Variants in GRID1 observed in about 807,000 individuals in gnomAD.
GRID1 encodes glutamate receptor ionotropic, delta-1.
A neutral mutation model predicts 98.0 loss-of-function variants in GRID1; 28 were observed. That is an observed-to-expected ratio of 0.29 (90% CI 0.21 to 0.39). The LOEUF (loss-of-function observed/expected upper bound fraction) is 0.39, where lower values mean the gene tolerates loss of function less well. GRID1 is among the 10% of genes least tolerant of loss of function. The pLI, the probability that GRID1 is intolerant of heterozygous loss-of-function variation, is 1.00. For missense variants in GRID1, 1,111 were observed against 1,340.5 expected, an observed-to-expected ratio of 0.83 and a Z score of 2.67; for synonymous variants, 553 against 538.5, an observed-to-expected ratio of 1.03 and a Z score of -0.37.
chr10:86,230,378 C>G (rs937781829), intron 2 of GRID1, among the ~76,000 whole-genome samples: 1 of 152,224 alleles, frequency 6.6e-6, no homozygotes, highest in Admixed American at 6.5e-5. Flanking sequence ...GGGGACAACA[C>G]CACCAGGAAC....
intron 3 of GRID1, among the ~76,000 whole-genome samples, chr10:86,147,386 C>A (rs1251882925): frequency 6.6e-6 from 1 of 152,160 alleles, no homozygotes; most frequent in African/African-American, 2.4e-5. Flanking sequence ...AGAACCAAGA[C>A]AATCCTAAGC....
At chr10:85,979,236 T>C (rs1842512476) in intron 4 of GRID1, among the ~76,000 whole-genome samples, 1 of 151,816 alleles carries the variant, frequency 6.6e-6, no homozygotes, top group Non-Finnish European at 1.5e-5. Flanking sequence ...TCTGGAGAGG[T>C]CTGACCACCA....
intron 4 of GRID1, among the ~76,000 whole-genome samples, chr10:86,051,674 T>C (rs563249492): frequency 6.6e-6 from 1 of 152,328 alleles, no homozygotes; most frequent in East Asian, 1.9e-4. Context: ...AAATAACTCC[T>C]GAGCATGTGA....
At chr10:86,322,298 G>A (rs954835812) in intron 2 of GRID1, among the ~76,000 whole-genome samples, 11 of 152,160 alleles carry the variant, frequency 7.2e-5, no homozygotes, top group African/African-American at 2.4e-4. Flanking sequence ...ATTCCAAAAA[G>A]AGACCTGAGA....
Position 85,853,062 on chromosome 10 carries a change from C to T in GRID1, c.1233+1434G>A, listed in dbSNP as rs545540040. Reference sequence around the variant, plus strand: ...GGCTAAAAATCCCCCGCACCATCCCCCACATCACACATGGACCCAGGCCAT... The same window carrying T: ...GGCTAAAAATCCCCCGCACCATCCCTCACATCACACATGGACCCAGGCCAT... On this transcript the variant is annotated intron_variant, in intron 8 of 15. Transcript: ENST00000327946. Among the ~76,000 whole-genome samples the T allele has an allele frequency of 7.9e-5, 12 of 152,300 alleles. No homozygotes were observed. The South Asian group carries it at 2.5e-3, about 32-fold the overall frequency.
At chr10:85,981,086 C>T (rs1312590875) in intron 4 of GRID1, among the ~76,000 whole-genome samples, 1 of 152,150 alleles carries the variant, frequency 6.6e-6, no homozygotes, top group Non-Finnish European at 1.5e-5. Context: ...TGGGGATTCA[C>T]CTTGGTAGCT....
intron 4 of GRID1, among the ~76,000 whole-genome samples, chr10:85,998,137 AACCT>A (rs2131872839): frequency 6.6e-6 from 1 of 152,284 alleles, no homozygotes; most frequent in South Asian, 2.1e-4. Flanking sequence ...CAAATCCATT[AACCT>A]ACTAGATCTT....
intron 4 of GRID1, among the ~76,000 whole-genome samples, chr10:86,034,922 A>ATGGG (rs1843236248): frequency 6.6e-6 from 1 of 150,824 alleles, no homozygotes; most frequent in African/African-American, 2.5e-5. Flanking sequence ...GGATGGATGG[A>ATGGG]TGGATGGATG....
chr10:85,756,635 C>T (rs1350847747), intron 8 of GRID1, among the ~76,000 whole-genome samples: 1 of 152,166 alleles, frequency 6.6e-6, no homozygotes, highest in Non-Finnish European at 1.5e-5. Context: ...CTTAAAACAG[C>T]ACTGCAGTCT....
intron 8 of GRID1, among the ~76,000 whole-genome samples, chr10:85,761,379 C>A (rs2132698599): frequency 6.6e-6 from 1 of 152,300 alleles, no homozygotes; most frequent in African/African-American, 2.4e-5. Context: ...TCCTGGAGTT[C>A]TTTCCAGTTT....
chr10:85,688,407 G>A (rs922271752), intron 12 of GRID1, among the ~76,000 whole-genome samples: 3 of 152,160 alleles, frequency 2.0e-5, no homozygotes, highest in African/African-American at 7.2e-5. Context: ...GGAGTGCAGT[G>A]GCACAATCAC....
chr10:85,777,433 T>C (rs532949895), intron 8 of GRID1, among the ~76,000 whole-genome samples: 12 of 152,314 alleles, frequency 7.9e-5, no homozygotes, highest in African/African-American at 2.9e-4. Flanking sequence ...AATAGACTGA[T>C]GCCTGGCTCC....
At chr10:85,695,682 C>G (rs1423601575) in intron 12 of GRID1, among the ~76,000 whole-genome samples, 1 of 152,126 alleles carries the variant, frequency 6.6e-6, no homozygotes, top group African/African-American at 2.4e-5. Context: ...CCTGTCAACG[C>G]TTTGCCCAGT....
At chr10:85,964,109 T>C (rs377270982) in intron 4 of GRID1, among the ~76,000 whole-genome samples, 163 of 152,182 alleles carry the variant, frequency 1.1e-3, no homozygotes, top group East Asian at 4.1e-3. Context: ...AGGAGGACTA[T>C]AGACCACTGC....
intron 13 of GRID1, among the ~76,000 whole-genome samples, chr10:85,626,023 C>CA (rs1330502397): frequency 3.9e-5 from 6 of 152,170 alleles, no homozygotes; most frequent in Non-Finnish European, 8.8e-5. Context: ...CTGCTCCCCC[C>CA]AAATGAGAAT....
At position 85,778,421 on chromosome 10, in the gene GRID1, TTGTCAGGAACCA is replaced by T. The variant is rs1436814392; in HGVS notation, c.1234-48819_1234-48808del. Among the ~76,000 whole-genome samples, 20 of 152,194 alleles carry T rather than the reference TTGTCAGGAACCA, an allele frequency of 1.3e-4. No individual in the cohort carries two copies. The South Asian group carries it at 3.5e-3, about 27-fold the overall frequency. Reference sequence around the variant, plus strand: ...AATGAAATGCCACTCCAGGGCTAGGTTGTCAGGAACCATGTGGTATTCACCCCCAAAAAATAA... The same window carrying T: ...AATGAAATGCCACTCCAGGGCTAGGTTGTGGTATTCACCCCCAAAAAATAA... On this transcript the variant is annotated intron_variant, in intron 8 of 15. Transcript: ENST00000327946.
intron 8 of GRID1, among the ~76,000 whole-genome samples, chr10:85,806,969 G>A (rs1842628144): frequency 6.6e-6 from 1 of 152,064 alleles, no homozygotes; most frequent in African/African-American, 2.4e-5. Context: ...TTTACAAAAT[G>A]TAAGAATATA....
At chr10:85,770,789 G>A (rs952281456) in intron 8 of GRID1, among the ~76,000 whole-genome samples, 21 of 152,190 alleles carry the variant, frequency 1.4e-4, no homozygotes, top group Non-Finnish European at 2.4e-4. Context: ...AGAATAAAAA[G>A]AAACGAACAA....
intron 4 of GRID1, among the ~76,000 whole-genome samples, chr10:85,927,764 G>A (rs901850537): frequency 1.3e-5 from 2 of 152,168 alleles, no homozygotes; most frequent in African/African-American, 4.8e-5. Context: ...ATGCAGACTT[G>A]GGCATCCATG....
Sources: allele counts gnomAD v4.1 joint callset (sites outside exome capture counted in the v4.1 genomes callset), GRCh38; gene constraint gnomAD v4.1.1; transcripts MANE v1.5; gene names NCBI Gene and HGNC (gene_info 2026-07-23, HGNC 2026-07-21).